The following TMEM74 variants were observed in gnomAD, a reference collection of about 807,000 sequenced individuals.
TMEM74 encodes transmembrane protein 74.
TMEM74 carries 13 observed loss-of-function variants against 18.1 expected under a neutral mutation model. That is an observed-to-expected ratio of 0.72 (90% CI 0.47 to 1.14). The LOEUF (loss-of-function observed/expected upper bound fraction) is 1.14, where lower values mean the gene tolerates loss of function less well. Ranked by LOEUF, TMEM74 falls within the 50% of genes most tolerant of loss-of-function variation. The pLI is 0.00. For synonymous variants in TMEM74, 159 were observed against 146.6 expected, an observed-to-expected ratio of 1.08 and a Z score of -0.61; for missense variants, 372 against 375.9, an observed-to-expected ratio of 0.99 and a Z score of 0.09.
intron 1 of TMEM74, among the ~76,000 whole-genome samples, chr8:108,674,179 C>G (rs1813031085): frequency 6.6e-6 from 1 of 151,986 alleles, no homozygotes; most frequent in South Asian, 2.1e-4. Flanking sequence ...TATCTTTTTT[C>G]CCCATATACA....
intron 1 of TMEM74, among the ~76,000 whole-genome samples, chr8:108,708,834 C>CAAAAAAAAA (rs1813445455): frequency 2.0e-4 from 13 of 63,676 alleles, no homozygotes; most frequent in Admixed American, 2.9e-4. Flanking sequence ...AAAAAAAAAC[C>CAAAAAAAAA]AACCCAAATA....
At chr8:108,614,310 A>T (rs1192012205) in intron 2 of TMEM74, among the ~76,000 whole-genome samples, 1 of 152,104 alleles carries the variant, frequency 6.6e-6, no homozygotes, top group Non-Finnish European at 1.5e-5. Context: ...TCTTAAATCA[A>T]TATTTTCTTC....
intron 1 of TMEM74, among the ~76,000 whole-genome samples, chr8:108,731,339 A>C (rs1304034104): frequency 2.0e-5 from 3 of 152,170 alleles, no homozygotes; most frequent in Non-Finnish European, 4.4e-5. Context: ...CTTATAATCA[A>C]TAGAATACAT....
At chr8:108,653,361 C>T (rs1812792609) in intron 2 of TMEM74, 1 of 153,166 alleles carries the variant, frequency 6.5e-6, no homozygotes, top group African/African-American at 2.4e-5. Flanking sequence ...GCTGGAGGCC[C>T]TGACCAAAGA....
chr8:108,657,029 T>C (rs1812827179), intron 1 of TMEM74, among the ~76,000 whole-genome samples: 1 of 152,154 alleles, frequency 6.6e-6, no homozygotes, highest in Admixed American at 6.6e-5. Flanking sequence ...TTCTCTATTA[T>C]GTAATAGTCA....
intron 1 of TMEM74, among the ~76,000 whole-genome samples, chr8:108,728,698 GT>G (rs1389927740): frequency 6.6e-6 from 1 of 152,164 alleles, no homozygotes; most frequent in Non-Finnish European, 1.5e-5. Context: ...AACTAGTTGA[GT>G]ACCAAATGAT....
intron 1 of TMEM74, among the ~76,000 whole-genome samples, chr8:108,765,275 C>T (rs1814091289): frequency 6.6e-6 from 1 of 152,132 alleles, no homozygotes; most frequent in South Asian, 2.1e-4. Context: ...TCTGCTCTCA[C>T]TGTCAGTGAT....
At chr8:108,622,366 T>C (rs1179121934) in intron 2 of TMEM74, among the ~76,000 whole-genome samples, 1 of 152,094 alleles carries the variant, frequency 6.6e-6, no homozygotes, top group Non-Finnish European at 1.5e-5. Context: ...AGAGTTGAAA[T>C]AGCTTGCTCA....
intron 2 of TMEM74, among the ~76,000 whole-genome samples, chr8:108,627,731 G>A (rs1034181603): frequency 1.3e-5 from 2 of 152,060 alleles, no homozygotes; most frequent in East Asian, 1.9e-4. Context: ...CATAGTGAGG[G>A]GAATGATGCT....
intron 2 of TMEM74, among the ~76,000 whole-genome samples, chr8:108,651,327 T>C (rs907160053): frequency 6.6e-6 from 1 of 152,212 alleles, no homozygotes; most frequent in African/African-American, 2.4e-5. Context: ...CTGCCCTCTT[T>C]AGGAACTGAT....
At chr8:108,662,198 A>T (rs2130582081) in intron 1 of TMEM74, among the ~76,000 whole-genome samples, 1 of 152,118 alleles carries the variant, frequency 6.6e-6, no homozygotes, top group South Asian at 2.1e-4. Context: ...GGTGGTGGAG[A>T]TAGAGGGAAA....
intron 2 of TMEM74, among the ~76,000 whole-genome samples, chr8:108,624,966 C>T (rs1303259167): frequency 6.6e-6 from 1 of 151,990 alleles, no homozygotes; most frequent in Non-Finnish European, 1.5e-5. Flanking sequence ...GAGAGAGAGC[C>T]ATACTTACTT....
At chr8:108,650,688 C>G (rs2130570814) in intron 2 of TMEM74, among the ~76,000 whole-genome samples, 1 of 151,264 alleles carries the variant, frequency 6.6e-6, no homozygotes, top group South Asian at 2.1e-4. Flanking sequence ...GTTTTATTCT[C>G]ATTGAGGCAT....
chr8:108,755,953 G>A (rs529001396), intron 1 of TMEM74, among the ~76,000 whole-genome samples: 1 of 152,100 alleles, frequency 6.6e-6, no homozygotes, highest in South Asian at 2.1e-4. Context: ...GGAATGGGGA[G>A]TACTTTTTCT....
At chr8:108,758,519 A>C (rs1021255527) in intron 1 of TMEM74, among the ~76,000 whole-genome samples, 1 of 152,130 alleles carries the variant, frequency 6.6e-6, no homozygotes, top group African/African-American at 2.4e-5. Context: ...TGAGACAATA[A>C]GAAATATAAT....
intron 1 of TMEM74, among the ~76,000 whole-genome samples, chr8:108,764,513 T>A (rs894187479): frequency 8.5e-5 from 13 of 152,190 alleles, no homozygotes; most frequent in African/African-American, 2.7e-4. Context: ...GTACATTTTT[T>A]TCCTGTTCTG....
chr8:108,622,736 GA>G (rs1006990568), intron 2 of TMEM74, among the ~76,000 whole-genome samples: 12 of 152,092 alleles, frequency 7.9e-5, no homozygotes, highest in African/African-American at 2.4e-4. Flanking sequence ...ATTTTGAAAT[GA>G]GAGGATGGGA....
chr8:108,719,594 A>G (rs1318751728), intron 1 of TMEM74, among the ~76,000 whole-genome samples: 1 of 152,126 alleles, frequency 6.6e-6, no homozygotes, highest in Non-Finnish European at 1.5e-5. Context: ...TATATTTAAT[A>G]TATGGTTTTC....
At chr8:108,672,734 T>C (rs1813015730) in intron 1 of TMEM74, among the ~76,000 whole-genome samples, 1 of 152,188 alleles carries the variant, frequency 6.6e-6, no homozygotes, top group Admixed American at 6.6e-5. Context: ...ATCCCTCAGA[T>C]CTCTCTGAAG....
Sources: gnomAD v4.1 joint callset for allele counts (sites outside exome capture counted in the v4.1 genomes callset) on GRCh38, gnomAD v4.1.1 for gene constraint, MANE v1.5 for transcripts, NCBI Gene and HGNC (gene_info 2026-07-23, HGNC 2026-07-21) for gene names.